Variants in MDGA2 observed in about 807,000 individuals in gnomAD.
MDGA2 encodes the protein MAM domain-containing glycosylphosphatidylinositol anchor protein 2.
In MDGA2, 40 loss-of-function variants were observed where a neutral mutation model predicts 117.8. That is an observed-to-expected ratio of 0.34 (90% CI 0.26 to 0.44). The LOEUF is 0.44. Ranked by LOEUF, MDGA2 falls within the 20% of genes least tolerant of loss-of-function variation. The pLI, the probability that MDGA2 is intolerant of heterozygous loss-of-function variation, is 1.00. For missense variants in MDGA2, 1,123 were observed against 1,250.6 expected, an observed-to-expected ratio of 0.90 and a Z score of 1.54; for synonymous variants, 452 against 439.0, an observed-to-expected ratio of 1.03 and a Z score of -0.37.
intron 1 of MDGA2, among the ~76,000 whole-genome samples, chr14:47,631,093 G>A (rs1897243819): frequency 1.3e-5 from 2 of 152,292 alleles, no homozygotes; most frequent in African/African-American, 4.8e-5. Flanking sequence ...TGATCACCTG[G>A]AAGGCTTTTG....
intron 10 of MDGA2, among the ~76,000 whole-genome samples, chr14:46,914,111 C>T (rs995839029): frequency 1.3e-5 from 2 of 152,000 alleles, no homozygotes; most frequent in Non-Finnish European, 1.5e-5. Flanking sequence ...TAATTGTGTA[C>T]ATTTCAAATG....
chr14:46,943,397 G>C (rs1024616312), intron 9 of MDGA2, among the ~76,000 whole-genome samples: 1 of 151,850 alleles, frequency 6.6e-6, no homozygotes, highest in Non-Finnish European at 1.5e-5. Context: ...TACATTTACT[G>C]TAATTATTAA....
intron 6 of MDGA2, among the ~76,000 whole-genome samples, chr14:47,076,145 A>G (rs1268773695): frequency 6.6e-6 from 1 of 152,148 alleles, no homozygotes; most frequent in Non-Finnish European, 1.5e-5. Flanking sequence ...CCTGATAAAT[A>G]CTATATGCTT....
At chr14:47,540,458 G>A (rs1444599267) in intron 1 of MDGA2, among the ~76,000 whole-genome samples, 1 of 150,176 alleles carries the variant, frequency 6.7e-6, no homozygotes, top group African/African-American at 2.4e-5. Context: ...CACACACTCC[G>A]TCCCTCCCCT....
At chr14:47,063,553 G>A (rs1322091682) in intron 6 of MDGA2, among the ~76,000 whole-genome samples, 1 of 151,876 alleles carries the variant, frequency 6.6e-6, no homozygotes, top group African/African-American at 2.4e-5. Flanking sequence ...AAGTTTTACA[G>A]TACAAAGCAA....
At chr14:47,214,499 A>C (rs973089884) in intron 3 of MDGA2, among the ~76,000 whole-genome samples, 2 of 152,178 alleles carry the variant, frequency 1.3e-5, no homozygotes, top group African/African-American at 4.8e-5. Flanking sequence ...TAGTAAAAAA[A>C]TGCATGTGGT....
intron 1 of MDGA2, among the ~76,000 whole-genome samples, chr14:47,587,233 A>G (rs1238555791): frequency 1.3e-5 from 2 of 151,896 alleles, no homozygotes; most frequent in African/African-American, 4.8e-5. Context: ...AATCTGTACA[A>G]AAACGACCCA....
chr14:47,247,592 C>T (rs1406058291), intron 2 of MDGA2, among the ~76,000 whole-genome samples: 1 of 150,738 alleles, frequency 6.6e-6, no homozygotes. Flanking sequence ...CGTGAGCCAC[C>T]GTGTCCAGAC....
At chr14:47,414,911 T>C (rs1010781941) in intron 1 of MDGA2, among the ~76,000 whole-genome samples, 1 of 152,134 alleles carries the variant, frequency 6.6e-6, no homozygotes, top group East Asian at 1.9e-4. Context: ...AAGATTTAGA[T>C]ATAATTCTAT....
chr14:47,639,693 T>G (rs1165226210), intron 1 of MDGA2, among the ~76,000 whole-genome samples: 2 of 152,170 alleles, frequency 1.3e-5, no homozygotes, highest in Non-Finnish European at 2.9e-5. Context: ...TGTTTCCATG[T>G]GTTTCCCAGT....
At chr14:47,379,932 C>T (rs1040336920) in intron 1 of MDGA2, among the ~76,000 whole-genome samples, 6 of 152,150 alleles carry the variant, frequency 3.9e-5, no homozygotes, top group Non-Finnish European at 7.4e-5. Context: ...CTTCTCACTA[C>T]CACGTCGCAC....
chr14:47,449,813 C>G (rs2138567613), intron 1 of MDGA2, among the ~76,000 whole-genome samples: 1 of 152,102 alleles, frequency 6.6e-6, no homozygotes, highest in South Asian at 2.1e-4. Flanking sequence ...AATGTGCTTT[C>G]TTATGCAAAA....
intron 10 of MDGA2, among the ~76,000 whole-genome samples, chr14:46,916,320 C>G (rs1883895863): frequency 6.6e-6 from 1 of 152,058 alleles, no homozygotes; most frequent in South Asian, 2.1e-4. Flanking sequence ...GTACAGAGAC[C>G]TGAGTTCGAG....
chr14:47,021,369 T>C (rs563974291), intron 8 of MDGA2, among the ~76,000 whole-genome samples: 1 of 152,308 alleles, frequency 6.6e-6, no homozygotes, highest in Non-Finnish European at 1.5e-5. Context: ...TCATCCTTTA[T>C]AAACTTTCAA....
intron 1 of MDGA2, among the ~76,000 whole-genome samples, chr14:47,335,885 G>A (rs1399701833): frequency 6.6e-6 from 1 of 151,068 alleles, no homozygotes; most frequent in Non-Finnish European, 1.5e-5. Flanking sequence ...CAAATGTAGG[G>A]TATAGGAGAG....
intron 1 of MDGA2, among the ~76,000 whole-genome samples, chr14:47,628,435 ATTTG>A (rs1445331518): frequency 1.3e-5 from 2 of 152,168 alleles, no homozygotes; most frequent in African/African-American, 4.8e-5. Context: ...GCTTAGAAAT[ATTTG>A]TTTAATGAAT....
Position 46,866,957 on chromosome 14 carries a change from G to A in MDGA2, c.2752+6476C>T, listed in dbSNP as rs1389964011. Among the ~76,000 whole-genome samples, 6 of 152,108 alleles carry A rather than the reference G, an allele frequency of 3.9e-5. 1 individual carries two copies. Among genetic ancestry groups the A allele is most frequent in the Non-Finnish European group, 8.8e-5 (6 of 67,974 alleles). On this transcript the variant is annotated intron_variant, in intron 14 of 16. Transcript: ENST00000399232. ...ACACTGTTGGTGGGACTGTAAACTA[G>A]TTCAACCATTGTGGAAGTCAGTGTG...
intron 5 of MDGA2, among the ~76,000 whole-genome samples, chr14:47,119,171 C>T (rs1302385612): frequency 0.24 from 2,682 of 11,356 alleles, 519 homozygotes; most frequent in African/African-American, 0.39. Context: ...CTGCCTCAGC[C>T]CCGCCCCCCC....
chr14:46,858,183 A>C (rs1332717096), intron 14 of MDGA2, among the ~76,000 whole-genome samples: 1 of 149,012 alleles, frequency 6.7e-6, no homozygotes, highest in African/African-American at 2.4e-5. Context: ...CTTCAAGTTC[A>C]CTGACTTTTT....
Sources: gnomAD v4.1 joint callset for allele counts (sites outside exome capture counted in the v4.1 genomes callset) on GRCh38, gnomAD v4.1.1 for gene constraint, MANE v1.5 for transcripts, NCBI Gene and HGNC (gene_info 2026-07-23, HGNC 2026-07-21) for gene names.